Variants in ANKRD11 observed in about 807,000 individuals in gnomAD.
The protein encoded by ANKRD11 is ankyrin repeat domain-containing protein 11.
Under a neutral mutation model 195.7 loss-of-function variants are expected in ANKRD11, and 17 were observed. The ratio of observed to expected loss-of-function variants is 0.09; its 90% CI spans 0.06 to 0.13. The LOEUF (loss-of-function observed/expected upper bound fraction) is 0.13, where lower values mean the gene tolerates loss of function less well. Among genes scored for constraint, ANKRD11 ranks in the 10% least tolerant of loss-of-function variants. ANKRD11 has a pLI of 1.00. For missense variants in ANKRD11, 3,735 were observed against 3,566.1 expected, an observed-to-expected ratio of 1.05 and a Z score of -1.21; for synonymous variants, 1,953 against 1,528.1, an observed-to-expected ratio of 1.28 and a Z score of -6.49.
intron 1 of ANKRD11, among the ~76,000 whole-genome samples, chr16:89,488,218 C>T (rs907099809): frequency 6.6e-6 from 1 of 152,144 alleles, no homozygotes; most frequent in Admixed American, 6.5e-5. Flanking sequence ...TTTCAACAAA[C>T]TTAAGAGGCA....
At chr16:89,445,984 A>AC (rs1332322960) in intron 1 of ANKRD11, among the ~76,000 whole-genome samples, 1 of 148,706 alleles carries the variant, frequency 6.7e-6, no homozygotes, top group African/African-American at 2.4e-5. Flanking sequence ...ACAAAAACAA[A>AC]AAAAAAAATT....
chr16:89,449,045 A>G (rs2152311150), intron 1 of ANKRD11, among the ~76,000 whole-genome samples: 1 of 152,310 alleles, frequency 6.6e-6, no homozygotes, highest in Non-Finnish European at 1.5e-5. Flanking sequence ...AAAATGCAAG[A>G]ATAGAAACAC....
chr16:89,313,988 C>A (rs549804536), intron 3 of ANKRD11, among the ~76,000 whole-genome samples: 1 of 152,220 alleles, frequency 6.6e-6, no homozygotes, highest in Non-Finnish European at 1.5e-5. Flanking sequence ...GCCTGTGATG[C>A]GGAAGCTGAA....
chr16:89,446,531 C>A lies in ANKRD11; in HGVS notation c.-144-28163G>T, dbSNP rs375944722. Among the ~76,000 whole-genome samples, 25 of 152,160 alleles carry A rather than the reference C, an allele frequency of 1.6e-4. No homozygotes were observed. The East Asian group carries it at 4.3e-3, about 26-fold the overall frequency. ...AGAAGGAAAGGTCACTTAAGCTCAA[C>A]AGGCAGAGGTGGCAGTGAGCTGTGA... On this transcript the variant is annotated intron_variant, in intron 1 of 12. Transcript: ENST00000301030.
At chr16:89,420,728 T>C (rs541908994) in intron 1 of ANKRD11, among the ~76,000 whole-genome samples, 1 of 152,266 alleles carries the variant, frequency 6.6e-6, no homozygotes, top group African/African-American at 2.4e-5. Flanking sequence ...TACAGATTTT[T>C]CTTAAGAGAC....
chr16:89,468,698 C>T (rs142406123), intron 1 of ANKRD11, among the ~76,000 whole-genome samples: 6 of 152,114 alleles, frequency 3.9e-5, no homozygotes, highest in Admixed American at 1.3e-4. Context: ...CAGAGTAAGA[C>T]GCTATCTCAA....
chr16:89,460,346 T>G (rs2056608387), intron 1 of ANKRD11, among the ~76,000 whole-genome samples: 1 of 151,870 alleles, frequency 6.6e-6, no homozygotes. Context: ...TGTCCTGAGG[T>G]CAGGAGTTCA....
rs541867303 is a variant in ANKRD11 at position 89,434,959 on chromosome 16, G to A, written c.-144-16591C>T. Among the ~76,000 whole-genome samples the A allele has an allele frequency of 2.1e-4, 32 of 152,332 alleles. No homozygotes were observed. In the South Asian group the frequency reaches 6.6e-3, roughly 32 times the overall value. On this transcript the variant is annotated intron_variant, in intron 1 of 12. Transcript: ENST00000301030. Reference sequence around the variant, plus strand: ...GGTGAAGCAGGGCGCAGGCCCAGGTGTGAACACTCAACTGCTGGGAGCCCA... The same window carrying A: ...GGTGAAGCAGGGCGCAGGCCCAGGTATGAACACTCAACTGCTGGGAGCCCA...
rs187055715 is a variant in ANKRD11 at position 89,445,707 on chromosome 16, G to A, written c.-144-27339C>T. 6.3e-3 allele frequency among the ~76,000 whole-genome samples: 954 copies of A among 152,240 alleles called. 4 individuals carry two copies. Among genetic ancestry groups the A allele is most frequent in the Non-Finnish European group, 9.0e-3 (612 of 68,012 alleles). ...AACGATTTTGAGCCCGGGCACTGTG[G>A]CTCACGCCTATAGTCCCAGCACTTT... is the stretch of plus-strand genomic sequence containing the variant. On this transcript the variant is annotated intron_variant, in intron 1 of 12. Transcript: ENST00000301030.
chr16:89,311,241 G>C (rs2036593060), intron 3 of ANKRD11, among the ~76,000 whole-genome samples: 1 of 152,192 alleles, frequency 6.6e-6, no homozygotes, highest in Admixed American at 6.5e-5. Context: ...TACTTGGTTG[G>C]TCATGGTACA....
intron 2 of ANKRD11, among the ~76,000 whole-genome samples, chr16:89,348,117 A>G (rs536447362): frequency 1.3e-5 from 2 of 152,192 alleles, no homozygotes; most frequent in Non-Finnish European, 2.9e-5. Flanking sequence ...TTTTTTGTAC[A>G]GATAGGGTTT....
At chr16:89,396,253 C>G (rs1041932609) in intron 2 of ANKRD11, among the ~76,000 whole-genome samples, 1 of 152,194 alleles carries the variant, frequency 6.6e-6, no homozygotes, top group African/African-American at 2.4e-5. Flanking sequence ...AGTGGATCCA[C>G]GTCGGGAGAT....
chr16:89,448,193 G>T (rs2043894606), intron 1 of ANKRD11, among the ~76,000 whole-genome samples: 1 of 152,072 alleles, frequency 6.6e-6, no homozygotes, highest in Non-Finnish European at 1.5e-5. Context: ...GCAGACAGTG[G>T]GCACCTTGCA....
intron 1 of ANKRD11, among the ~76,000 whole-genome samples, chr16:89,480,247 C>T (rs546841552): frequency 4.0e-4 from 61 of 152,050 alleles, no homozygotes; most frequent in African/African-American, 1.4e-3. Context: ...GAGGCCAAGG[C>T]GGGTGGATCA....
chr16:89,282,606 C>T lies in ANKRD11; in HGVS notation c.3936G>A (p.Gly1312=). The change falls in exon 9 of 13, where the codon GGG becomes GGA. Residue 1312 remains glycine, a synonymous_variant. Coordinates refer to ENST00000301030, the MANE Select transcript of ANKRD11 (RefSeq NM_013275.6). ...GGAAGGCAGTCAGCCCCGGCTCCTG[C>T]CCTCGGTCCGTGAAGCTGTCAGAGG... ...EVSSDSFTDR[G]QEPGLTAFLE... 5.0e-6 allele frequency: 8 copies of T among 1,614,178 alleles called. No individual in the cohort carries two copies. Among genetic ancestry groups the T allele is most frequent in the Non-Finnish European group, 6.8e-6 (8 of 1,180,034 alleles).
intron 2 of ANKRD11, among the ~76,000 whole-genome samples, chr16:89,320,842 C>G (rs985208999): frequency 6.6e-6 from 1 of 152,274 alleles, no homozygotes; most frequent in Non-Finnish European, 1.5e-5. Context: ...CCTCTCCACA[C>G]TGCGAGAGCC....
chr16:89,475,817 A>G (rs897741049), intron 1 of ANKRD11, among the ~76,000 whole-genome samples: 15 of 152,142 alleles, frequency 9.9e-5, no homozygotes, highest in Non-Finnish European at 1.8e-4. Context: ...TGGGAAGCCA[A>G]GGTGGGTGGA....
At chr16:89,309,119 C>T (rs867233086) in intron 3 of ANKRD11, among the ~76,000 whole-genome samples, 14 of 152,186 alleles carry the variant, frequency 9.2e-5, no homozygotes, top group African/African-American at 3.4e-4. Context: ...CCACCACACG[C>T]CCAACCACAC....
At chr16:89,481,903 G>T (rs1358974472) in intron 1 of ANKRD11, among the ~76,000 whole-genome samples, 2 of 150,170 alleles carry the variant, frequency 1.3e-5, no homozygotes, top group African/African-American at 4.9e-5. Flanking sequence ...TTTTAAAACA[G>T]AAACATAGCT....
Sources: allele counts gnomAD v4.1 joint callset (sites outside exome capture counted in the v4.1 genomes callset), GRCh38; gene constraint gnomAD v4.1.1; transcripts MANE v1.5; gene names NCBI Gene and HGNC (gene_info 2026-07-23, HGNC 2026-07-21).